BTAF1: variants seen among roughly 807,000 people sequenced by gnomAD.
BTAF1 encodes B-TFIID TATA-box binding protein associated factor 1, also known as TATA-binding protein-associated factor 172.
BTAF1 carries 38 observed loss-of-function variants against 227.1 expected under a neutral mutation model. The ratio of observed to expected loss-of-function variants is 0.17; its 90% CI spans 0.13 to 0.22. BTAF1 has a LOEUF of 0.22. Among genes scored for constraint, BTAF1 ranks in the 10% least tolerant of loss-of-function variants. BTAF1 has a pLI of 1.00. For missense variants in BTAF1, 1,598 were observed against 2,204.0 expected, an observed-to-expected ratio of 0.73 and a Z score of 5.51; for synonymous variants, 742 against 751.9, an observed-to-expected ratio of 0.99 and a Z score of 0.21.
chr10:91,977,278 G>GT (rs766779111), intron 14 of BTAF1, among the ~76,000 whole-genome samples: 13 of 152,144 alleles, frequency 8.5e-5, no homozygotes, highest in Non-Finnish European at 1.8e-4. Flanking sequence ...GCAGATCAGA[G>GT]GAAGAAACGC....
At chr10:91,974,920 A>G (rs1202228640) in intron 14 of BTAF1, among the ~76,000 whole-genome samples, 1 of 152,030 alleles carries the variant, frequency 6.6e-6, no homozygotes, top group Non-Finnish European at 1.5e-5. Flanking sequence ...TTTTTTGCTA[A>G]ACTAGCAGCT....
chr10:91,940,186 C>T (rs765558253), intron 3 of BTAF1, 120 bp downstream of exon 3: 8 of 512,788 alleles, frequency 1.6e-5, no homozygotes, highest in Admixed American at 3.4e-5. Flanking sequence ...CTTTTAGGTA[C>T]AGCTTTGTCA....
chr10:91,989,992 T>C (rs1208016261), intron 20 of BTAF1, among the ~76,000 whole-genome samples: 1 of 152,256 alleles, frequency 6.6e-6, no homozygotes, highest in Non-Finnish European at 1.5e-5. Context: ...ATAAAATCTC[T>C]CGTTTCCCTA....
In BTAF1 at chr10:91,954,809, C is replaced by A. The variant is rs369106084; in HGVS notation, c.701+936C>A. ...CTTGGCTCAAGTGGTCCTCCTTCCT[C>A]GGCCTCCCAAAGTGTCGGGATTATA... is the stretch of plus-strand genomic sequence containing the variant. On this transcript the variant is annotated intron_variant, in intron 6 of 37. Transcript: ENST00000265990. Among the ~76,000 whole-genome samples, 32 of 152,256 alleles carry A rather than the reference C, an allele frequency of 2.1e-4. No individual in the cohort carries two copies. The East Asian group carries it at 4.0e-3, about 19-fold the overall frequency.
chr10:92,018,677 A>G (rs1219361922), intron 33 of BTAF1, 106 bp from the exon 34 acceptor site: 1 of 1,022,122 alleles, frequency 9.8e-7, no homozygotes, highest in African/African-American at 1.6e-5. Context: ...AAGAGGGAGA[A>G]AGGCATTCTA....
At position 92,029,001 on chromosome 10, in the gene BTAF1, T is replaced by TAA. The variant is rs1851721750; in HGVS notation, c.*69_*70dup. Reference sequence around the variant, plus strand: ...TTTCTGCTGATATTCAGCAAATTTCTAAGTTTATGGTGAACTTTTAACTCA... The same window carrying TAA: ...TTTCTGCTGATATTCAGCAAATTTCTAAAAGTTTATGGTGAACTTTTAACTCA... On this transcript the variant is annotated 3_prime_UTR_variant, in exon 38 of 38. Transcript: ENST00000265990. 7 of 1,438,688 alleles carry TAA rather than the reference T, an allele frequency of 4.9e-6. No homozygotes were observed. The highest frequency in any genetic ancestry group is 2.4e-5 in the Admixed American group (1 of 42,340). The allele number at this position is 1,438,688 out of a possible 1,614,324, so 89.1% of individuals were successfully genotyped here. A position where few individuals can be genotyped will look rare whatever the true frequency, so the allele number is the denominator to read the frequency against.
intron 14 of BTAF1, among the ~76,000 whole-genome samples, chr10:91,966,997 T>A (rs1255936101): frequency 6.6e-6 from 1 of 152,182 alleles, no homozygotes; most frequent in Non-Finnish European, 1.5e-5. Flanking sequence ...CCTCAGTAAA[T>A]GTTTGTTGAA....
In BTAF1 at chr10:92,007,210, C is replaced by CTTTTTTTT. The variant is rs969389265; in HGVS notation, c.3661-894_3661-887dup. On this transcript the variant is annotated intron_variant, in intron 25 of 37. Transcript: ENST00000265990. ...ACTGCTCTATCAAGGTATTTTTTGT[C>CTTTTTTTT]TTTTTTTTTTTTTTTTTTTTTTTTT... 6.0e-4 allele frequency among the ~76,000 whole-genome samples: 37 copies of CTTTTTTTT among 61,278 alleles called. 1 individual carries two copies. Among genetic ancestry groups the CTTTTTTTT allele is most frequent in the Non-Finnish European group, 8.5e-4 (26 of 30,504 alleles). The allele number at this position is 61,278 out of a possible 152,430, so 40.2% of individuals were successfully genotyped here.
chr10:91,966,554 A>T, intron 13 of BTAF1, 83 bp from the exon 14 acceptor site: 1 of 1,432,378 alleles, frequency 7.0e-7, no homozygotes, highest in Non-Finnish European at 9.6e-7. Flanking sequence ...CAGCATCACT[A>T]GATCCCATGA....
intron 1 of BTAF1, among the ~76,000 whole-genome samples, chr10:91,925,496 T>C (rs1233991694): frequency 1.3e-5 from 2 of 148,220 alleles, no homozygotes; most frequent in Non-Finnish European, 3.0e-5. Flanking sequence ...AAGAACCTAA[T>C]TTTCGGGCAA....
rs117231064 is a variant in BTAF1, at chr10:91,979,171, A to G, written c.1651-1283A>G. 4.2e-3 allele frequency among the ~76,000 whole-genome samples: 637 copies of G among 152,256 alleles called. 6 individuals are homozygous for G. Among genetic ancestry groups the G allele is most frequent in the Non-Finnish European group, 3.5e-3 (238 of 68,012 alleles). The stretch of plus-strand genomic sequence containing the variant: ...TGAGCTTATTCTTTTTTAAGACTGC[A>G]TAGTATTCCATGGTGTATGTGTACC... On this transcript the variant is annotated intron_variant, in intron 14 of 37. Coordinates refer to ENST00000265990, the MANE Select transcript of BTAF1 (RefSeq NM_003972.3).
intron 9 of BTAF1, 45 bp from the exon 10 acceptor site, chr10:91,959,735 TGTGTG>T (rs773568542): frequency 2.3e-6 from 1 of 432,034 alleles, no homozygotes; most frequent in Non-Finnish European, 3.2e-6. Context: ...TGTGTGTGTG[TGTGTG>T]TATATATATA....
chr10:91,990,788 C>T (rs1395482837), intron 20 of BTAF1, among the ~76,000 whole-genome samples: 3 of 150,160 alleles, frequency 2.0e-5, no homozygotes, highest in African/African-American at 2.5e-5. Context: ...AGTGAAACTC[C>T]GTCTCAAAAA....
At chr10:92,022,087 G>A (rs376779733) in intron 34 of BTAF1, among the ~76,000 whole-genome samples, 1 of 152,082 alleles carries the variant, frequency 6.6e-6, no homozygotes, top group Admixed American at 6.6e-5. Context: ...CCCTGAACTC[G>A]ATCAGTCTCT....
In BTAF1 at chr10:92,024,793, C is replaced by T; in HGVS notation, c.4901C>T (p.Ser1634Phe). ...LDCGLGNGST[S>F]ESGTESVVAQ... is the part of the protein sequence containing the mutation. Reference sequence around the variant, plus strand: ...TGCGGTTTGGGAAATGGCAGCACTTCCGAGAGTGGCACAGAGTCTGTTGTG... The same window carrying T: ...TGCGGTTTGGGAAATGGCAGCACTTTCGAGAGTGGCACAGAGTCTGTTGTG... The change falls in exon 35 of 38, where the codon TCC becomes TTC. Residue 1634 changes from serine (S) to phenylalanine (F), a missense_variant. By Grantham distance (155) the Ser-to-Phe change is radical (BLOSUM62 -2). This residue lies in a region of BTAF1 where 205 missense variants were observed against 244.5 expected (regional missense o/e 0.84). Coordinates refer to ENST00000265990, the MANE Select transcript of BTAF1 (RefSeq NM_003972.3). 2 of 1,609,272 alleles carry T rather than the reference C, an allele frequency of 1.2e-6. No homozygotes were observed. The highest frequency in any genetic ancestry group is 1.1e-5 in the South Asian group (1 of 90,936).
At chr10:92,026,561 G>A (rs546682053) in intron 35 of BTAF1, 31 bp from the exon 36 acceptor site, 7 of 1,548,940 alleles carry the variant, frequency 4.5e-6, no homozygotes, top group South Asian at 1.2e-5. Flanking sequence ...CTTAAGAATG[G>A]ACTAATTTTA....
At chr10:91,957,350 A>G (rs1846175196) in intron 8 of BTAF1, 57 bp downstream of exon 8, 2 of 1,425,532 alleles carry the variant, frequency 1.4e-6, no homozygotes, top group East Asian at 2.3e-5. Context: ...AATGAAGGGA[A>G]CAATGTCAAG....
At chr10:92,002,777 T>G (rs373192714) in intron 25 of BTAF1, among the ~76,000 whole-genome samples, 9 of 152,328 alleles carry the variant, frequency 5.9e-5, no homozygotes, top group African/African-American at 2.2e-4. Flanking sequence ...TTCCAGAATT[T>G]TAAATTTCTT....
Position 91,964,105 on chromosome 10 carries a change from A to G in BTAF1, c.1433A>G (p.Asp478Gly). 1 of 1,613,536 alleles carries G rather than the reference A, an allele frequency of 6.2e-7. No homozygotes were observed. The stretch of plus-strand genomic sequence containing the variant: ...CCCTTCATTATAAATACATTGTGGG[A>G]TGCTCTTCTGGAATTAGATGATCTA... ...KVPFIINTLW[D>G]ALLELDDLTA... The change falls in exon 13 of 38, where the codon GAT (aspartate) becomes GGT (glycine). Residue 478 changes from aspartate (D) to glycine (G), a missense_variant. Asp to Gly is a moderately conservative substitution (Grantham distance 94). This residue lies in a region of BTAF1 where 318 missense variants were observed against 435.0 expected (regional missense o/e 0.73). Transcript: ENST00000265990.
Sources: allele counts gnomAD v4.1 joint callset (sites outside exome capture counted in the v4.1 genomes callset), GRCh38; gene constraint gnomAD v4.1.1; regional missense constraint gnomAD v4.1.1; transcripts MANE v1.5; gene names NCBI Gene and HGNC (gene_info 2026-07-23, HGNC 2026-07-21).